The following CFAP61 variants were observed in gnomAD, a reference collection of about 807,000 sequenced individuals.
The protein encoded by CFAP61 is cilia and flagella associated protein 61.
Under a neutral mutation model 135.6 loss-of-function variants are expected in CFAP61, and 107 were observed. That is an observed-to-expected ratio of 0.79 (90% CI 0.67 to 0.93). CFAP61 has a LOEUF of 0.93. CFAP61 is among the 40% of genes least tolerant of loss of function. The pLI, the probability that CFAP61 is intolerant of heterozygous loss-of-function variation, is 0.00. For missense variants in CFAP61, 1,507 were observed against 1,556.2 expected, an observed-to-expected ratio of 0.97 and a Z score of 0.53; for synonymous variants, 575 against 578.5, an observed-to-expected ratio of 0.99 and a Z score of 0.09.
At chr20:20,314,520 T>A (rs978339322) in intron 25 of CFAP61, among the ~76,000 whole-genome samples, 5 of 147,420 alleles carry the variant, frequency 3.4e-5, no homozygotes, top group African/African-American at 1.0e-4. Flanking sequence ...TGTTTTTTTT[T>A]ATTATTATTA....
chr20:20,295,400 A>G (rs1418302238), intron 24 of CFAP61, among the ~76,000 whole-genome samples: 1 of 152,092 alleles, frequency 6.6e-6, no homozygotes, highest in Non-Finnish European at 1.5e-5. Flanking sequence ...CTGGCAGATA[A>G]AACTGTGCCA....
chr20:20,270,253 C>T (rs1372868487), intron 21 of CFAP61, among the ~76,000 whole-genome samples: 2 of 152,088 alleles, frequency 1.3e-5, no homozygotes, highest in African/African-American at 4.8e-5. Flanking sequence ...GGCCAGACCA[C>T]CAGACCAGCA....
chr20:20,309,186 G>A (rs1039188063), intron 25 of CFAP61, among the ~76,000 whole-genome samples: 1 of 151,940 alleles, frequency 6.6e-6, no homozygotes, highest in Non-Finnish European at 1.5e-5. Context: ...GTCTTTATAG[G>A]TTTCTTTTTG....
intron 25 of CFAP61, among the ~76,000 whole-genome samples, chr20:20,325,938 G>A (rs1344704024): frequency 6.6e-6 from 1 of 152,098 alleles, no homozygotes; most frequent in Non-Finnish European, 1.5e-5. Context: ...AAATTCCCTA[G>A]TGACTTACCA....
At chr20:20,235,605 C>G (rs926614539) in intron 18 of CFAP61, among the ~76,000 whole-genome samples, 1 of 152,202 alleles carries the variant, frequency 6.6e-6, no homozygotes, top group African/African-American at 2.4e-5. Context: ...GCACCCTTTC[C>G]CACTTCCTCA....
At chr20:20,304,228 C>T (rs1340319685) in intron 25 of CFAP61, among the ~76,000 whole-genome samples, 1 of 150,286 alleles carries the variant, frequency 6.7e-6, no homozygotes, top group Non-Finnish European at 1.5e-5. Flanking sequence ...CAGTACAAAC[C>T]ATTGGCACTG....
chr20:20,142,936 G>C lies in CFAP61; in HGVS notation c.939G>C (p.Met313Ile). ...ELQEPVSPDT[M>I]ENIQGNIARE... ...AGGAACCTGTCTCTCCAGATACCAT[G>C]GAAAACATCCAGGTGAGAGAGACTA... The change falls in exon 9 of 27, where the codon ATG becomes ATC. Residue 313 changes from methionine to isoleucine, a missense_variant. Coordinates refer to ENST00000245957, the MANE Select transcript of CFAP61 (RefSeq NM_015585.4). 6.3e-7 allele frequency: 1 copy of C among 1,588,274 alleles called. No homozygotes were observed. The highest frequency in any genetic ancestry group is 8.6e-7 in the Non-Finnish European group (1 of 1,164,640).
intron 24 of CFAP61, among the ~76,000 whole-genome samples, chr20:20,292,797 T>A (rs905036114): frequency 1.3e-5 from 2 of 152,046 alleles, no homozygotes; most frequent in African/African-American, 4.8e-5. Flanking sequence ...GTGCAAGTGT[T>A]GTTACTAGCA....
At chr20:20,284,655 C>A (rs559915607) in intron 22 of CFAP61, among the ~76,000 whole-genome samples, 1 of 152,290 alleles carries the variant, frequency 6.6e-6, no homozygotes, top group Admixed American at 6.5e-5. Context: ...CATCAGCAAT[C>A]TTTCATGTTC....
intron 18 of CFAP61, among the ~76,000 whole-genome samples, chr20:20,236,250 T>G (rs1487764732): frequency 6.6e-6 from 1 of 152,188 alleles, no homozygotes; most frequent in Non-Finnish European, 1.5e-5. Context: ...TTCCTGGAGT[T>G]ACAATTCAGT....
intron 6 of CFAP61, among the ~76,000 whole-genome samples, chr20:20,077,544 G>A (rs2046138912): frequency 6.6e-6 from 1 of 152,210 alleles, no homozygotes. Context: ...AGTGACCAGG[G>A]CTTTGACACA....
intron 22 of CFAP61, among the ~76,000 whole-genome samples, chr20:20,278,128 G>C (rs1286612200): frequency 1.3e-5 from 2 of 152,232 alleles, no homozygotes; most frequent in African/African-American, 4.8e-5. Context: ...CGGAGAGCTT[G>C]CCATGCCCCA....
At chr20:20,160,703 A>G (rs899971163) in intron 10 of CFAP61, among the ~76,000 whole-genome samples, 3 of 152,310 alleles carry the variant, frequency 2.0e-5, no homozygotes, top group South Asian at 2.1e-4. Flanking sequence ...TGAATCTCAC[A>G]TTAGCATATG....
intron 13 of CFAP61, among the ~76,000 whole-genome samples, chr20:20,178,678 T>G (rs7362858): frequency 0.18 from 26,812 of 151,736 alleles, 2,541 homozygotes; most frequent in East Asian, 0.2. Flanking sequence ...TAATCGATTC[T>G]CCCCCCCACC....
chr20:20,218,644 C>T (rs1438802222), intron 17 of CFAP61, among the ~76,000 whole-genome samples: 3 of 152,230 alleles, frequency 2.0e-5, no homozygotes, highest in Non-Finnish European at 4.4e-5. Flanking sequence ...ACCATTGTCA[C>T]ATGTACTGCA....
chr20:20,322,215 T>G (rs1388005988), intron 25 of CFAP61, among the ~76,000 whole-genome samples: 2 of 151,998 alleles, frequency 1.3e-5, no homozygotes. Flanking sequence ...CCTGTCATCA[T>G]GGAGCAGAGC....
chr20:20,200,231 TC>T (rs1427040799), intron 17 of CFAP61, among the ~76,000 whole-genome samples: 2 of 152,210 alleles, frequency 1.3e-5, no homozygotes, highest in Non-Finnish European at 2.9e-5. Context: ...AAAAGCAGAT[TC>T]CCCCTTTCAA....
intron 8 of CFAP61, among the ~76,000 whole-genome samples, chr20:20,126,184 A>G (rs1410886150): frequency 6.6e-6 from 1 of 151,790 alleles, no homozygotes. Context: ...TTTAAGCGGA[A>G]CATTTAGGCC....
chr20:20,212,427 TGTC>T (rs1448469331), intron 17 of CFAP61, among the ~76,000 whole-genome samples: 1 of 152,192 alleles, frequency 6.6e-6, no homozygotes, highest in Non-Finnish European at 1.5e-5. Context: ...CACGTCTACA[TGTC>T]GTCACTTCCT....
Sources: allele counts gnomAD v4.1 joint callset (sites outside exome capture counted in the v4.1 genomes callset), GRCh38; gene constraint gnomAD v4.1.1; transcripts MANE v1.5; gene names NCBI Gene and HGNC (gene_info 2026-07-23, HGNC 2026-07-21).